Variants in RARB observed in about 807,000 individuals in gnomAD.
RARB encodes the protein retinoic acid receptor beta.
A neutral mutation model predicts 51.9 loss-of-function variants in RARB; 17 were observed. The ratio of observed to expected loss-of-function variants is 0.33; its 90% CI spans 0.22 to 0.49. The LOEUF (loss-of-function observed/expected upper bound fraction) is 0.49, where lower values mean the gene tolerates loss of function less well. Among genes scored for constraint, RARB ranks in the 20% least tolerant of loss-of-function variants. The pLI is 0.99. For synonymous variants in RARB, 215 were observed against 195.4 expected, an observed-to-expected ratio of 1.10 and a Z score of -0.84; for missense variants, 369 against 550.8, an observed-to-expected ratio of 0.67 and a Z score of 3.30.
In RARB at chr3:24,859,058, GAA is replaced by G. The variant is rs11333927; in HGVS notation, c.-380+316_-380+317del. Among the ~76,000 whole-genome samples the G allele has an allele frequency of 1.4e-3, 166 of 120,974 alleles. 1 individual carries two copies. The highest frequency in any genetic ancestry group is 0.01 in the East Asian group (38 of 3,634). 79.4% of individuals were successfully genotyped at this position (120,974 alleles called of 152,430 possible). The stretch of plus-strand genomic sequence containing the variant: ...TCTCAAAAAAAAAAAAAAAAAAAAA[GAA>G]AAAAAAAAAGTTCCTTAATACTCTT... On this transcript the variant is annotated intron_variant, in intron 2 of 11. Coordinates refer to the RARB transcript ENST00000383772.
chr3:25,502,681 G>A (rs1195901051), intron 3 of RARB, among the ~76,000 whole-genome samples: 3 of 152,138 alleles, frequency 2.0e-5, no homozygotes, highest in African/African-American at 4.8e-5. Context: ...GGTTCAATGA[G>A]AGGGAATTCA....
At chr3:25,034,081 T>C (rs1364939498) in intron 2 of RARB, among the ~76,000 whole-genome samples, 1 of 152,170 alleles carries the variant, frequency 6.6e-6, no homozygotes, top group African/African-American at 2.4e-5. Context: ...GCTCCTGCGC[T>C]CACAATGGGA....
intron 5 of RARB, among the ~76,000 whole-genome samples, chr3:25,237,955 A>T (rs1484911197): frequency 6.6e-6 from 1 of 152,156 alleles, no homozygotes; most frequent in Non-Finnish European, 1.5e-5. Context: ...GCATGCATAG[A>T]AGGTGTACTT....
At chr3:24,876,274 C>T (rs1482672502) in intron 2 of RARB, among the ~76,000 whole-genome samples, 1 of 152,104 alleles carries the variant, frequency 6.6e-6, no homozygotes, top group East Asian at 1.9e-4. Flanking sequence ...CTTTGAACTG[C>T]TAATTTTAGT....
chr3:24,872,825 A>G (rs1330068878), intron 2 of RARB, among the ~76,000 whole-genome samples: 1 of 152,100 alleles, frequency 6.6e-6, no homozygotes, highest in African/African-American at 2.4e-5. Flanking sequence ...CTCTGTATAG[A>G]CTTCTCTACC....
intron 5 of RARB, among the ~76,000 whole-genome samples, chr3:25,353,511 T>C (rs1223676366): frequency 1.3e-5 from 2 of 152,156 alleles, no homozygotes; most frequent in Non-Finnish European, 2.9e-5. Flanking sequence ...TATTTTTCAC[T>C]GGTAATTTTT....
At chr3:24,896,995 T>C (rs2125368437) in intron 2 of RARB, among the ~76,000 whole-genome samples, 1 of 152,332 alleles carries the variant, frequency 6.6e-6, no homozygotes, top group Admixed American at 6.5e-5. Flanking sequence ...TGGAAAGCCA[T>C]TGTCGGTAAC....
chr3:24,993,486 T>C (rs999569290), intron 2 of RARB, among the ~76,000 whole-genome samples: 4 of 152,188 alleles, frequency 2.6e-5, no homozygotes, highest in African/African-American at 9.6e-5. Context: ...TACATATGAA[T>C]CACATTAGCA....
chr3:25,306,251 C>T (rs909448372), intron 5 of RARB, among the ~76,000 whole-genome samples: 3 of 152,110 alleles, frequency 2.0e-5, no homozygotes, highest in Non-Finnish European at 2.9e-5. Context: ...CTGTCCTCTC[C>T]GTGAACCTGC....
chr3:25,041,599 A>C (rs1188613517), intron 2 of RARB, among the ~76,000 whole-genome samples: 1 of 152,024 alleles, frequency 6.6e-6, no homozygotes, highest in Non-Finnish European at 1.5e-5. Flanking sequence ...TGATGAGATA[A>C]CACATAATTC....
chr3:25,249,367 G>A (rs1242538958), intron 5 of RARB, among the ~76,000 whole-genome samples: 1 of 151,784 alleles, frequency 6.6e-6, no homozygotes, highest in Non-Finnish European at 1.5e-5. Context: ...GTTCATTTGT[G>A]TTCTCTTATA....
chr3:25,480,256 C>T (rs992299103), intron 2 of RARB, among the ~76,000 whole-genome samples: 2 of 152,226 alleles, frequency 1.3e-5, no homozygotes, highest in African/African-American at 4.8e-5. Flanking sequence ...GTAGTATATA[C>T]ACAGTGCTTC....
intron 5 of RARB, among the ~76,000 whole-genome samples, chr3:25,338,178 A>G (rs560902357): frequency 6.6e-6 from 1 of 152,006 alleles, no homozygotes; most frequent in South Asian, 2.1e-4. Context: ...TCTGAAACTC[A>G]TGAGCTACAT....
chr3:25,025,302 G>A (rs982749867), intron 2 of RARB, among the ~76,000 whole-genome samples: 4 of 152,172 alleles, frequency 2.6e-5, no homozygotes, highest in South Asian at 2.1e-4. Context: ...AAATTATTCT[G>A]TTAATAACTT....
At position 25,189,296 on chromosome 3, in the gene RARB, G is replaced by C. The variant is rs11129191; in HGVS notation, c.178+14721G>C. The stretch of plus-strand genomic sequence containing the variant: ...GTTTAATCCAAAAATAAATATTAGA[G>C]TGTCAAGATAAATAAATGATCTTCA... On this transcript the variant is annotated intron_variant, in intron 5 of 11. Transcript: ENST00000383772. 5.3e-4 allele frequency among the ~76,000 whole-genome samples: 80 copies of C among 152,252 alleles called. 1 individual carries two copies. In the East Asian group the frequency reaches 0.012, roughly 23 times the overall value.
intron 5 of RARB, among the ~76,000 whole-genome samples, chr3:25,242,985 G>A (rs999920048): frequency 6.6e-6 from 1 of 152,054 alleles, no homozygotes; most frequent in Non-Finnish European, 1.5e-5. Context: ...TTATTTTCTT[G>A]AGCAGTGGTT....
intron 5 of RARB, among the ~76,000 whole-genome samples, chr3:25,283,725 TC>T (rs1703580553): frequency 6.6e-6 from 1 of 152,180 alleles, no homozygotes; most frequent in Non-Finnish European, 1.5e-5. Context: ...GATTATTCCA[TC>T]ATCAGGAACA....
At chr3:25,453,246 T>C (rs1346149702) in intron 1 of RARB, among the ~76,000 whole-genome samples, 1 of 41,202 alleles carries the variant, frequency 2.4e-5, no homozygotes, top group African/African-American at 8.0e-5. Flanking sequence ...GATTCTGCTT[T>C]TTTTTTTTTT....
intron 3 of RARB, among the ~76,000 whole-genome samples, chr3:25,558,822 C>T (rs1700161039): frequency 6.6e-6 from 1 of 152,220 alleles, no homozygotes; most frequent in Non-Finnish European, 1.5e-5. Flanking sequence ...GGGTTAAAAC[C>T]TTATTGTTAC....
Sources: gnomAD v4.1 joint callset for allele counts (sites outside exome capture counted in the v4.1 genomes callset) on GRCh38, gnomAD v4.1.1 for gene constraint, MANE v1.5 for transcripts, NCBI Gene and HGNC (gene_info 2026-07-23, HGNC 2026-07-21) for gene names.